Variants in PDGFC observed in about 807,000 individuals in gnomAD.
The protein encoded by PDGFC is platelet-derived growth factor C.
PDGFC carries 12 observed loss-of-function variants against 35.5 expected under a neutral mutation model. The ratio of observed to expected loss-of-function variants is 0.34; its 90% CI spans 0.22 to 0.55. PDGFC has a LOEUF of 0.55. Among genes scored for constraint, PDGFC ranks in the 20% least tolerant of loss-of-function variants. The pLI is 0.91. For missense variants in PDGFC, 322 were observed against 412.4 expected (o/e 0.78, Z 1.90); for synonymous variants, 159 against 148.8 (o/e 1.07, Z -0.50).
At chr4:156,885,104 G>T (rs1730342342) in intron 1 of PDGFC, among the ~76,000 whole-genome samples, 1 of 151,682 alleles carries the variant, frequency 6.6e-6, no homozygotes, top group Non-Finnish European at 1.5e-5. Flanking sequence ...CGTAACCTAG[G>T]CAGAAATAGA....
intron 1 of PDGFC, among the ~76,000 whole-genome samples, chr4:156,888,076 C>A (rs924648758): frequency 1.3e-5 from 2 of 149,342 alleles, no homozygotes; most frequent in Non-Finnish European, 3.0e-5. Context: ...ACAGTTCAAA[C>A]AGGTCTAAAA....
chr4:156,916,940 T>A (rs931920839), intron 1 of PDGFC, among the ~76,000 whole-genome samples: 1 of 152,178 alleles, frequency 6.6e-6, no homozygotes, highest in Non-Finnish European at 1.5e-5. Flanking sequence ...AGAAGGTAAA[T>A]TACTTGGCTG....
intron 1 of PDGFC, among the ~76,000 whole-genome samples, chr4:156,885,566 T>A (rs903615403): frequency 1.3e-5 from 2 of 152,092 alleles, no homozygotes; most frequent in Non-Finnish European, 2.9e-5. Flanking sequence ...TTTTTTTTTG[T>A]CAAATTGCTG....
In PDGFC at chr4:156,786,285, T is replaced by C. The variant is rs1372111483; in HGVS notation, c.496-13392A>G. 5.3e-5 allele frequency among the ~76,000 whole-genome samples: 8 copies of C among 152,142 alleles called. No homozygotes were observed. The South Asian group carries it at 1.5e-3, about 28-fold the overall frequency. ...GGAGAAAAACAGACCATGCACAACA[T>C]AAATAATGCACATACAATGTTAGAT... On this transcript the variant is annotated intron_variant, in intron 3 of 5. Coordinates refer to ENST00000502773, the MANE Select transcript of PDGFC (RefSeq NM_016205.3).
intron 3 of PDGFC, among the ~76,000 whole-genome samples, chr4:156,796,848 A>T (rs191106639): frequency 6.6e-6 from 1 of 152,248 alleles, no homozygotes; most frequent in Admixed American, 6.5e-5. Context: ...CTTAATATAA[A>T]CTTATAGAAA....
intron 2 of PDGFC, among the ~76,000 whole-genome samples, chr4:156,828,822 T>C (rs1021022048): frequency 1.1e-4 from 16 of 152,094 alleles, no homozygotes; most frequent in Non-Finnish European, 1.6e-4. Context: ...AATCAATCAC[T>C]TGGAATACTG....
At chr4:156,839,190 C>T (rs1461070784) in intron 2 of PDGFC, among the ~76,000 whole-genome samples, 2 of 152,242 alleles carry the variant, frequency 1.3e-5, no homozygotes, top group Middle Eastern at 3.4e-3. Context: ...GGTTTTAGAC[C>T]CTGGACCCCA....
intron 1 of PDGFC, among the ~76,000 whole-genome samples, chr4:156,953,820 C>T (rs1221459027): frequency 6.6e-6 from 1 of 151,858 alleles, no homozygotes; most frequent in Admixed American, 6.6e-5. Flanking sequence ...TCAATACCCC[C>T]AACTCACCCC....
intron 1 of PDGFC, among the ~76,000 whole-genome samples, chr4:156,901,112 G>A (rs1050486802): frequency 2.0e-5 from 3 of 152,160 alleles, no homozygotes; most frequent in African/African-American, 7.2e-5. Context: ...ATTGTATCAT[G>A]CACATAAATC....
intron 1 of PDGFC, among the ~76,000 whole-genome samples, chr4:156,864,560 C>T (rs1377157512): frequency 6.6e-6 from 1 of 152,182 alleles, no homozygotes; most frequent in East Asian, 1.9e-4. Flanking sequence ...TCACAATTCC[C>T]CTCCTCACCA....
At chr4:156,937,621 G>T (rs1260208081) in intron 1 of PDGFC, among the ~76,000 whole-genome samples, 1 of 152,104 alleles carries the variant, frequency 6.6e-6, no homozygotes, top group South Asian at 2.1e-4. Context: ...GATCACATGA[G>T]CCCCAGGAGG....
chr4:156,967,768 A>G (rs1463458844), intron 1 of PDGFC: 1 of 152,114 alleles, frequency 6.6e-6, no homozygotes, highest in Non-Finnish European at 1.5e-5. Flanking sequence ...TGCACAAAAT[A>G]TGAGTATTTT....
intron 1 of PDGFC, among the ~76,000 whole-genome samples, chr4:156,869,845 T>C (rs893947192): frequency 3.3e-5 from 5 of 152,296 alleles, no homozygotes; most frequent in Admixed American, 6.5e-5. Flanking sequence ...AGCATTGTTA[T>C]GGTTTTTGTC....
intron 2 of PDGFC, among the ~76,000 whole-genome samples, chr4:156,842,471 AAATCCCTCCAAGGAGGGATTGCCTTC>A (rs1049141626): frequency 1.3e-4 from 20 of 152,222 alleles, no homozygotes; most frequent in East Asian, 5.8e-4. Flanking sequence ...AAACATAACA[AAATCCCTCCAAGGAGGGATTGCCTTC>A]AATCCCTCCT....
chr4:156,941,502 G>T (rs115196980), intron 1 of PDGFC, among the ~76,000 whole-genome samples: 31 of 151,914 alleles, frequency 2.0e-4, no homozygotes, highest in Middle Eastern at 6.3e-3. Context: ...GAAACAAGGT[G>T]GTTTATCATT....
intron 1 of PDGFC, among the ~76,000 whole-genome samples, chr4:156,953,240 AT>A (rs960522177): frequency 6.6e-6 from 1 of 151,862 alleles, no homozygotes; most frequent in Non-Finnish European, 1.5e-5. Flanking sequence ...CCAGTCACCA[AT>A]TGTTTTGAAA....
intron 1 of PDGFC, among the ~76,000 whole-genome samples, chr4:156,866,840 C>T (rs999069707): frequency 6.6e-6 from 1 of 152,056 alleles, no homozygotes; most frequent in Non-Finnish European, 1.5e-5. Flanking sequence ...TCCTGTAATC[C>T]ATTAGTGAGC....
intron 1 of PDGFC, among the ~76,000 whole-genome samples, chr4:156,960,921 G>C (rs1303585457): frequency 6.6e-6 from 1 of 151,896 alleles, no homozygotes; most frequent in Non-Finnish European, 1.5e-5. Flanking sequence ...TTTACAATTT[G>C]CACCCTGCCT....
intron 1 of PDGFC, among the ~76,000 whole-genome samples, chr4:156,928,081 T>C (rs1352227498): frequency 6.6e-6 from 1 of 152,126 alleles, no homozygotes; most frequent in African/African-American, 2.4e-5. Context: ...ATGAGACTTA[T>C]TCACTACCAT....
Sources: gnomAD v4.1 joint callset for allele counts (sites outside exome capture counted in the v4.1 genomes callset) on GRCh38, gnomAD v4.1.1 for gene constraint, MANE v1.5 for transcripts, NCBI Gene and HGNC (gene_info 2026-07-23, HGNC 2026-07-21) for gene names.